The following KMT2C variants were observed in gnomAD, a reference collection of about 807,000 sequenced individuals.
KMT2C encodes the protein lysine methyltransferase 2C.
KMT2C carries 88 observed loss-of-function variants against 507.9 expected under a neutral mutation model. The observed-to-expected ratio is 0.17, with a 90% CI of 0.15 to 0.21. The LOEUF (loss-of-function observed/expected upper bound fraction) is 0.21. Ranked by LOEUF, KMT2C falls within the 10% of genes least tolerant of loss-of-function variation. The pLI, the probability that KMT2C is intolerant of heterozygous loss-of-function variation, is 1.00. For synonymous variants in KMT2C, 2,049 were observed against 2,080.8 expected, an observed-to-expected ratio of 0.98 and a Z score of 0.42; for missense variants, 4,954 against 5,957.8, an observed-to-expected ratio of 0.83 and a Z score of 5.55.
At chr7:152,204,580 T>C (rs544229784) in intron 25 of KMT2C, among the ~76,000 whole-genome samples, 2 of 149,284 alleles carry the variant, frequency 1.3e-5, no homozygotes, top group East Asian at 2.0e-4. Flanking sequence ...CTGGGTGACA[T>C]AGTGAGACCC....
intron 7 of KMT2C, among the ~76,000 whole-genome samples, chr7:152,266,433 C>T (rs2095859343): frequency 6.6e-6 from 1 of 151,954 alleles, no homozygotes; most frequent in Non-Finnish European, 1.5e-5. Context: ...TCAGTAGAGA[C>T]GGTGTTTCGC....
intron 1 of KMT2C, among the ~76,000 whole-genome samples, chr7:152,392,585 G>A (rs2097507528): frequency 6.6e-6 from 1 of 152,210 alleles, no homozygotes; most frequent in Admixed American, 6.5e-5. Flanking sequence ...TGAAAGCGCA[G>A]TGTTTAATGA....
At chr7:152,145,068 G>T in intron 54 of KMT2C, 85 bp downstream of exon 54, 1 of 1,516,692 alleles carries the variant, frequency 6.6e-7, no homozygotes, top group South Asian at 1.2e-5. Flanking sequence ...AGCAGGGTTT[G>T]TAAGCAGCAG....
chr7:152,386,209 G>GAAAAAAAAA (rs971685442), intron 1 of KMT2C, among the ~76,000 whole-genome samples: 2 of 134,856 alleles, frequency 1.5e-5, no homozygotes. Flanking sequence ...TGTTAAAAAA[G>GAAAAAAAAA]AAAAAAAAAA....
intron 1 of KMT2C, among the ~76,000 whole-genome samples, chr7:152,374,741 A>C (rs530198626): frequency 1.3e-5 from 2 of 152,098 alleles, no homozygotes; most frequent in South Asian, 4.2e-4. Context: ...CCTACTAAAA[A>C]TACAAAAATT....
intron 3 of KMT2C, among the ~76,000 whole-genome samples, chr7:152,328,215 C>T (rs1428543780): frequency 1.3e-5 from 2 of 152,118 alleles, no homozygotes; most frequent in Non-Finnish European, 2.9e-5. Flanking sequence ...TGAAAATGTT[C>T]AAACCTCCCA....
At chr7:152,322,633 C>G (rs573028003) in intron 3 of KMT2C, among the ~76,000 whole-genome samples, 1 of 152,028 alleles carries the variant, frequency 6.6e-6, no homozygotes, top group African/African-American at 2.4e-5. Flanking sequence ...GGAGAAAGTT[C>G]CATGTGGGCA....
chr7:152,311,338 C>T lies in KMT2C; in HGVS notation c.739+460G>A, dbSNP rs114883440. Among the ~76,000 whole-genome samples, 1,307 of 152,292 alleles carry T rather than the reference C, an allele frequency of 8.6e-3. 21 individuals carry two copies. Among genetic ancestry groups the T allele is most frequent in the African/African-American group, 0.03 (1,260 of 41,562 alleles). On this transcript the variant is annotated intron_variant, in intron 5 of 58. Transcript: ENST00000262189. ...CACTATCAGTCAATCTGCAGTTCAA[C>T]TACAGAATGAGATGTACTTTAAATT...
rs752700944 is a variant in KMT2C at position 152,250,558 on chromosome 7, G to C, written c.1735+295C>G. On this transcript the variant is annotated intron_variant, in intron 12 of 58. Transcript: ENST00000262189. ...CTCAGCATGAAACATCTCATCATCA[G>C]CAACAGCTCTACTTAGCAACTACAA... Among the ~76,000 whole-genome samples, 3 of 152,108 alleles carry C rather than the reference G, an allele frequency of 2.0e-5. No individual in the cohort carries two copies. The East Asian group carries it at 5.8e-4, about 29-fold the overall frequency.
chr7:152,379,722 A>C (rs997387841), intron 1 of KMT2C, among the ~76,000 whole-genome samples: 1 of 152,170 alleles, frequency 6.6e-6, no homozygotes, highest in African/African-American at 2.4e-5. Context: ...ACAGAGTAAG[A>C]CTCCATCAAA....
chr7:152,154,373 A>G lies in KMT2C; in HGVS notation c.12033T>C (p.Val4011=), dbSNP rs755023452. The G allele has an allele frequency of 1.9e-6, 3 of 1,614,106 alleles. No individual in the cohort carries two copies. The highest frequency in any genetic ancestry group is 1.7e-5 in the Admixed American group (1 of 60,018). The change falls in exon 47 of 59, where the codon GTT becomes GTC. Residue 4011 remains valine (V), a synonymous_variant. Transcript: ENST00000262189. ...CTGGATACCTGCTCACTTCTACCCC[A>G]ACCACACTCTCAGGAGAGGATGAGG... ...FVPSSSPESV[V]GVEVSRYPDL... is the part of the protein sequence containing the mutation.
In KMT2C at chr7:152,307,278, AAAGGAAGGAAGG is replaced by A. The variant is rs35363127; in HGVS notation, c.849+2676_849+2687del. On this transcript the variant is annotated intron_variant, in intron 6 of 58. Coordinates refer to ENST00000262189, the MANE Select transcript of KMT2C (RefSeq NM_170606.3). ...GGTAGGAAGGAAGGAAGGAAGAAAG[AAAGGAAGGAAGG>A]AAGGAAGGAAGGAAGGAAGACGAAG... 3.8e-4 allele frequency among the ~76,000 whole-genome samples: 41 copies of A among 107,454 alleles called. 1 individual carries two copies. The highest frequency in any genetic ancestry group is 1.0e-3 in the African/African-American group (24 of 23,022). 70.5% of individuals were successfully genotyped at this position (107,454 alleles called of 152,430 possible).
chr7:152,352,971 A>T (rs2129227248), intron 2 of KMT2C, among the ~76,000 whole-genome samples: 1 of 152,356 alleles, frequency 6.6e-6, no homozygotes. Context: ...TAATTAGCTA[A>T]TTATAGTTAA....
chr7:152,423,326 C>T (rs748088703), intron 1 of KMT2C, among the ~76,000 whole-genome samples: 8 of 152,244 alleles, frequency 5.3e-5, no homozygotes, highest in East Asian at 3.9e-4. Context: ...CATGACAGAG[C>T]GAGACTCTGT....
intron 14 of KMT2C, among the ~76,000 whole-genome samples, chr7:152,241,772 T>A (rs1278262958): frequency 4.6e-5 from 7 of 152,236 alleles, no homozygotes; most frequent in Non-Finnish European, 1.0e-4. Context: ...TAATATTATG[T>A]TGGCAGTAGA....
At position 152,136,458 on chromosome 7, in the gene KMT2C, C is replaced by T. The variant is rs2089882523; in HGVS notation, c.*374G>A. 3.9e-6 allele frequency: 1 copy of T among 257,810 alleles called. No individual in the cohort carries two copies. The highest frequency in any genetic ancestry group is 7.5e-6 in the Non-Finnish European group (1 of 134,012). The allele number at this position is 257,810 out of a possible 1,614,324, so 16.0% of individuals were successfully genotyped here. A position where few individuals can be genotyped will look rare whatever the true frequency, so the allele number is the denominator to read the frequency against. ...AGGCCCCTGCCCGGGGCAGGGCAGC[C>T]ATCGGCTCTTTGCCCCAGTAAAAGT... On this transcript the variant is annotated 3_prime_UTR_variant, in exon 59 of 59. Coordinates refer to ENST00000262189, the MANE Select transcript of KMT2C (RefSeq NM_170606.3).
At chr7:152,185,003 C>T (rs976214975) in intron 34 of KMT2C, among the ~76,000 whole-genome samples, 10 of 152,288 alleles carry the variant, frequency 6.6e-5, no homozygotes, top group African/African-American at 2.4e-4. Context: ...GCCATCTGCC[C>T]ACCTTGGCCT....
chr7:152,352,175 G>A (rs552975460), intron 2 of KMT2C, among the ~76,000 whole-genome samples: 2 of 149,694 alleles, frequency 1.3e-5, no homozygotes, highest in East Asian at 3.9e-4. Flanking sequence ...TTTTATGGTC[G>A]AGCTGTAGGG....
rs369973213 is a variant in KMT2C, at chr7:152,179,938, A to T, written c.7338T>A (p.Pro2446=). 7.4e-6 allele frequency: 12 copies of T among 1,614,186 alleles called. No homozygotes were observed. Among genetic ancestry groups the T allele is most frequent in the Non-Finnish European group, 1.0e-5 (12 of 1,180,012 alleles). ...ATCTAGGTCCTAAAGGAGGGGCAAC[A>T]GGAGACCTAATGTTCCCAGGATAGG... The part of the protein sequence containing the change: ...PPPYPGNIRS[P]VAPPLGPRYA... Residue 2446 remains proline, a synonymous_variant, in exon 37 of 59, where the codon CCT becomes CCA. Transcript: ENST00000262189.
Sources: allele counts gnomAD v4.1 joint callset (sites outside exome capture counted in the v4.1 genomes callset), GRCh38; gene constraint gnomAD v4.1.1; transcripts MANE v1.5; gene names NCBI Gene and HGNC (gene_info 2026-07-23, HGNC 2026-07-21).